The following CLYBL variants were observed in gnomAD, a reference collection of about 807,000 sequenced individuals.
CLYBL encodes the protein citramalyl-CoA lyase, also known as citramalyl-CoA lyase, mitochondrial.
Under a neutral mutation model 38.9 loss-of-function variants are expected in CLYBL, and 31 were observed. That is an observed-to-expected ratio of 0.80 (90% CI 0.60 to 1.08). The LOEUF (loss-of-function observed/expected upper bound fraction) is 1.08, where lower values mean the gene tolerates loss of function less well. CLYBL is among the 50% of genes least tolerant of loss of function. The pLI is 0.00. For missense variants in CLYBL, 434 were observed against 411.6 expected (o/e 1.05, Z -0.47); for synonymous variants, 171 against 158.6 (o/e 1.08, Z -0.59).
chr13:99,883,278 T>C (rs113027686), intron 7 of CLYBL, among the ~76,000 whole-genome samples: 2,773 of 152,170 alleles, frequency 0.018, 92 homozygotes, highest in African/African-American at 0.064. Flanking sequence ...CCCAGCACTT[T>C]GGGAGGCCGA....
At chr13:99,671,638 G>T (rs570364393) in intron 1 of CLYBL, among the ~76,000 whole-genome samples, 4 of 152,178 alleles carry the variant, frequency 2.6e-5, no homozygotes, top group African/African-American at 9.6e-5. Context: ...AAATTAGCCA[G>T]GTGTGATGGT....
chr13:99,758,010 C>T (rs1023680985), intron 1 of CLYBL, among the ~76,000 whole-genome samples: 1 of 152,208 alleles, frequency 6.6e-6, no homozygotes, highest in African/African-American at 2.4e-5. Flanking sequence ...TTCTAACTAG[C>T]TCTCACATGA....
intron 1 of CLYBL, among the ~76,000 whole-genome samples, chr13:99,632,329 A>G (rs920034445): frequency 6.6e-6 from 1 of 152,274 alleles, no homozygotes; most frequent in African/African-American, 2.4e-5. Flanking sequence ...GGAAGACAGA[A>G]CTTGGTATTT....
At chr13:99,755,423 G>T (rs1422633346) in intron 1 of CLYBL, among the ~76,000 whole-genome samples, 1 of 152,150 alleles carries the variant, frequency 6.6e-6, no homozygotes, top group South Asian at 2.1e-4. Context: ...AATGCATGAG[G>T]TGTGCCCAGT....
intron 1 of CLYBL, among the ~76,000 whole-genome samples, chr13:99,677,709 A>G (rs1254072787): frequency 6.6e-6 from 1 of 152,250 alleles, no homozygotes; most frequent in Admixed American, 6.5e-5. Flanking sequence ...TTTGATCACA[A>G]TCAGTTTACA....
At chr13:99,613,447 G>A (rs1296580690) in intron 1 of CLYBL, among the ~76,000 whole-genome samples, 1 of 152,182 alleles carries the variant, frequency 6.6e-6, no homozygotes, top group Non-Finnish European at 1.5e-5. Context: ...GGGGTTACCT[G>A]TCAGGGTCCC....
chr13:99,744,472 G>T (rs2048815606), intron 1 of CLYBL, among the ~76,000 whole-genome samples: 1 of 152,126 alleles, frequency 6.6e-6, no homozygotes, highest in African/African-American at 2.4e-5. Flanking sequence ...AACCATCTGG[G>T]AGCTGGCTGG....
intron 7 of CLYBL, among the ~76,000 whole-genome samples, chr13:99,872,523 A>C (rs751186441): frequency 1.7e-4 from 26 of 152,202 alleles, no homozygotes; most frequent in Non-Finnish European, 3.1e-4. Flanking sequence ...GCATACCCAC[A>C]CCGAATGCTC....
chr13:99,893,909 T>C (rs2052537440), downstream of CLYBL: 1 of 152,502 alleles, frequency 6.6e-6, no homozygotes, highest in African/African-American at 2.4e-5. Flanking sequence ...CATCCCAAAC[T>C]GCTTTGTTCA....
At chr13:99,868,385 G>T (rs188098288) in intron 6 of CLYBL, among the ~76,000 whole-genome samples, 1 of 152,100 alleles carries the variant, frequency 6.6e-6, no homozygotes, top group East Asian at 1.9e-4. Flanking sequence ...CTTGGGCCTT[G>T]CACAAGGAGA....
chr13:99,774,244 T>A lies in CLYBL; in HGVS notation c.249+1234T>A, dbSNP rs180988816. Among the ~76,000 whole-genome samples the A allele has an allele frequency of 2.9e-4, 44 of 152,064 alleles. 1 individual carries two copies. Among genetic ancestry groups the A allele is most frequent in the Middle Eastern group, 6.8e-3 (2 of 294 alleles). The stretch of plus-strand genomic sequence containing the variant: ...TGAGACCCTGTCTCCAAAAAAGTTT[T>A]AAAAAAACAAAATAACCAATTTGTA... On this transcript the variant is annotated intron_variant, in intron 2 of 8. Transcript: ENST00000339105.
chr13:99,886,079 A>G (rs1018759373), intron 7 of CLYBL, among the ~76,000 whole-genome samples: 1 of 152,220 alleles, frequency 6.6e-6, no homozygotes, highest in Admixed American at 6.5e-5. Flanking sequence ...ACCCCAAAAA[A>G]GGACTCTAGC....
intron 1 of CLYBL, among the ~76,000 whole-genome samples, chr13:99,711,212 C>T (rs1043268691): frequency 2.6e-5 from 4 of 151,896 alleles, no homozygotes; most frequent in South Asian, 2.1e-4. Flanking sequence ...GCTGCTATAA[C>T]AAAATACCAT....
chr13:99,627,355 A>G (rs1170021868), intron 1 of CLYBL, among the ~76,000 whole-genome samples: 3 of 151,800 alleles, frequency 2.0e-5, no homozygotes. Context: ...TTAACCTTGC[A>G]TTTTCTCGGC....
At chr13:99,816,326 C>T (rs1000671678) in intron 2 of CLYBL, among the ~76,000 whole-genome samples, 5 of 152,192 alleles carry the variant, frequency 3.3e-5, no homozygotes, top group African/African-American at 1.2e-4. Flanking sequence ...TGAAGCTTAC[C>T]ACCAAATGAT....
At chr13:99,903,350 G>C (rs796468096) in intron 8 of CLYBL, among the ~76,000 whole-genome samples, 19 of 152,196 alleles carry the variant, frequency 1.2e-4, no homozygotes, top group African/African-American at 4.3e-4. Context: ...TCCCAGCAGA[G>C]GCTCATTGCA....
chr13:99,885,618 C>T lies in CLYBL; in HGVS notation c.928-5700C>T, dbSNP rs191061559. ...TCCTGGCACCATGTCCCTGAGAGCT[C>T]CAGGAGCCAGCTTTGGAGCCGGGAA... On this transcript the variant is annotated intron_variant, in intron 7 of 8. Coordinates refer to ENST00000339105, the MANE Select transcript of CLYBL (RefSeq NM_206808.5). Among the ~76,000 whole-genome samples the T allele has an allele frequency of 5.5e-3, 839 of 152,234 alleles. 9 individuals are homozygous for T. The highest frequency in any genetic ancestry group is 0.019 in the African/African-American group (800 of 41,540).
intron 2 of CLYBL, among the ~76,000 whole-genome samples, chr13:99,815,081 G>A (rs1049288200): frequency 3.3e-5 from 5 of 152,122 alleles, no homozygotes; most frequent in Non-Finnish European, 5.9e-5. Context: ...TGGTCCCAGA[G>A]GTAACACACC....
intron 1 of CLYBL, among the ~76,000 whole-genome samples, chr13:99,664,917 A>G (rs1457714270): frequency 1.3e-5 from 2 of 152,168 alleles, no homozygotes; most frequent in African/African-American, 4.8e-5. Flanking sequence ...AATATGCCCC[A>G]TAATTATAGC....
Sources: gnomAD v4.1 joint callset for allele counts (sites outside exome capture counted in the v4.1 genomes callset) on GRCh38, gnomAD v4.1.1 for gene constraint, MANE v1.5 for transcripts, NCBI Gene and HGNC (gene_info 2026-07-23, HGNC 2026-07-21) for gene names.